Variants in PIK3R3 observed in about 807,000 individuals in gnomAD.
PIK3R3 encodes phosphatidylinositol 3-kinase regulatory subunit gamma.
A neutral mutation model predicts 62.9 loss-of-function variants in PIK3R3; 64 were observed. The ratio of observed to expected loss-of-function variants is 1.02; its 90% CI spans 0.83 to 1.25. The LOEUF (loss-of-function observed/expected upper bound fraction) is 1.25, where lower values mean the gene tolerates loss of function less well. PIK3R3 is among the 50% of genes most tolerant of loss of function. PIK3R3 has a pLI of 0.00. For missense variants in PIK3R3, 614 were observed against 561.6 expected, an observed-to-expected ratio of 1.09 and a Z score of -0.94; for synonymous variants, 165 against 189.0, an observed-to-expected ratio of 0.87 and a Z score of 1.04.
At chr1:46,143,026 C>T in the PIK3R3 span, among the ~76,000 whole-genome samples, 87 of 151,134 alleles carry the variant, frequency 5.8e-4, no homozygotes, top group East Asian at 0.014. Context: ...GTGAGAGATG[C>T]TTAGGAGGTA....
chr1:46,129,283 C>T (rs184230079), intron 1 of PIK3R3, among the ~76,000 whole-genome samples: 193 of 152,108 alleles, frequency 1.3e-3, no homozygotes, highest in South Asian at 4.8e-3. Flanking sequence ...CAAGTAACAG[C>T]AAATACAAAA....
intron 6 of PIK3R3, chr1:46,056,506 A>T (rs910763498): frequency 6.6e-6 from 1 of 152,420 alleles, no homozygotes; most frequent in African/African-American, 2.4e-5. Flanking sequence ...AGACTGGCCA[A>T]TAAGAATATT....
At chr1:46,090,383 G>A (rs1417946972) in intron 1 of PIK3R3, among the ~76,000 whole-genome samples, 1 of 152,030 alleles carries the variant, frequency 6.6e-6, no homozygotes, top group Non-Finnish European at 1.5e-5. Context: ...TCAGGATGGA[G>A]TGCGGTGGCG....
intron 1 of PIK3R3, among the ~76,000 whole-genome samples, chr1:46,104,593 C>T (rs1357660881): frequency 3.9e-5 from 6 of 152,058 alleles, no homozygotes; most frequent in African/African-American, 1.4e-4. Flanking sequence ...AGTTGCATTA[C>T]CACAGTTCTA....
chr1:46,077,467 TA>T, intron 3 of PIK3R3, 47 bp downstream of exon 3: 1 of 940,956 alleles, frequency 1.1e-6, no homozygotes, highest in Non-Finnish European at 1.7e-6. Context: ...TACCCAGAAC[TA>T]AAATAACATC....
At chr1:46,096,009 C>A (rs546689104) in intron 1 of PIK3R3, among the ~76,000 whole-genome samples, 8 of 152,242 alleles carry the variant, frequency 5.3e-5, no homozygotes, top group African/African-American at 1.9e-4. Context: ...GTATTGAACT[C>A]CCAGACTCAA....
intron 1 of PIK3R3, among the ~76,000 whole-genome samples, chr1:46,116,096 T>C (rs563517752): frequency 1.3e-5 from 2 of 152,304 alleles, no homozygotes; most frequent in African/African-American, 4.8e-5. Context: ...CCTTTGGCAT[T>C]TTTGAGAGGA....
chr1:46,092,100 C>T (rs907739420), intron 1 of PIK3R3, among the ~76,000 whole-genome samples: 3 of 152,132 alleles, frequency 2.0e-5, no homozygotes, highest in African/African-American at 7.2e-5. Context: ...CACCACTATG[C>T]ATTTGTCAAA....
At chr1:46,099,925 G>A (rs1440216385) in intron 1 of PIK3R3, among the ~76,000 whole-genome samples, 1 of 152,114 alleles carries the variant, frequency 6.6e-6, no homozygotes, top group Non-Finnish European at 1.5e-5. Context: ...GCATTTCCAT[G>A]GCTACTAAAG....
chr1:46,102,221 G>A (rs1355821326), intron 1 of PIK3R3, among the ~76,000 whole-genome samples: 5 of 151,938 alleles, frequency 3.3e-5, no homozygotes, highest in African/African-American at 7.2e-5. Flanking sequence ...TCCTGACCTC[G>A]TGATCCGCCC....
chr1:46,077,321 T>A (rs1446211461), intron 3 of PIK3R3, among the ~76,000 whole-genome samples, 194 bp downstream of exon 3: 1 of 152,220 alleles, frequency 6.6e-6, no homozygotes, highest in Non-Finnish European at 1.5e-5. Flanking sequence ...TTTTTTTAAG[T>A]TGCCATTTTT....
chr1:46,063,082 G>C (rs1477685030), intron 5 of PIK3R3, among the ~76,000 whole-genome samples: 3 of 152,194 alleles, frequency 2.0e-5, no homozygotes, highest in African/African-American at 4.8e-5. Flanking sequence ...ACAGATTTCT[G>C]AACTCTAATA....
chr1:46,079,585 C>T (rs796612170), intron 2 of PIK3R3, among the ~76,000 whole-genome samples: 68 of 152,276 alleles, frequency 4.5e-4, no homozygotes, highest in African/African-American at 1.5e-3. Context: ...ATGTAACTAT[C>T]CTAAATGTCT....
intron 1 of PIK3R3, among the ~76,000 whole-genome samples, chr1:46,102,840 CAGAGTCTCAA>C (rs1272038379): frequency 8.7e-6 from 1 of 114,900 alleles, no homozygotes; most frequent in Non-Finnish European, 1.7e-5. Context: ...AACCTGAAAG[CAGAGTCTCAA>C]AGAGACATTA....
chr1:46,045,644 T>TTTTTTTTTTTTTCC (rs370501368), intron 9 of PIK3R3, among the ~76,000 whole-genome samples: 2 of 82,596 alleles, frequency 2.4e-5, no homozygotes, highest in African/African-American at 9.4e-5. Flanking sequence ...TTTTTTTTTT[T>TTTTTTTTTTTTTCC]CAATTTAAGA....
the PIK3R3 span, among the ~76,000 whole-genome samples, chr1:46,149,279 G>A: frequency 2.6e-5 from 4 of 151,870 alleles, no homozygotes; most frequent in East Asian, 3.9e-4. Flanking sequence ...AAAATTAGCC[G>A]AGCGTGATAG....
chr1:46,119,773 A>G (rs530058805), intron 1 of PIK3R3, among the ~76,000 whole-genome samples: 6 of 124,314 alleles, frequency 4.8e-5, no homozygotes, highest in Non-Finnish European at 1.0e-4. Context: ...CCAACTCCTA[A>G]TTTTTTTTTT....
the PIK3R3 span, among the ~76,000 whole-genome samples, chr1:46,161,821 G>A: frequency 6.6e-6 from 1 of 152,218 alleles, no homozygotes; most frequent in Non-Finnish European, 1.5e-5. Context: ...GGCCAGGCAC[G>A]GTGGCTCAAG....
At chr1:46,053,329 C>A (rs1158564124) in intron 7 of PIK3R3, among the ~76,000 whole-genome samples, 1 of 151,700 alleles carries the variant, frequency 6.6e-6, no homozygotes, top group African/African-American at 2.4e-5. Flanking sequence ...CTGTTGTTTT[C>A]TTTCTGTCTT....
Sources: allele counts gnomAD v4.1 joint callset (sites outside exome capture counted in the v4.1 genomes callset), GRCh38; gene constraint gnomAD v4.1.1; transcripts MANE v1.5; gene names NCBI Gene and HGNC (gene_info 2026-07-23, HGNC 2026-07-21).